Variants in PRELID2 observed in about 807,000 individuals in gnomAD.
The protein encoded by PRELID2 is PRELI domain containing 2.
A neutral mutation model predicts 28.4 loss-of-function variants in PRELID2; 25 were observed. The observed-to-expected ratio is 0.88, with a 90% CI of 0.64 to 1.23. The LOEUF is 1.23. Among genes scored for constraint, PRELID2 ranks in the 50% most tolerant of loss-of-function variants. The pLI, the probability that PRELID2 is intolerant of heterozygous loss-of-function variation, is 0.00. For synonymous variants in PRELID2, 76 were observed against 71.6 expected (o/e 1.06, Z -0.31); for missense variants, 201 against 214.4 (o/e 0.94, Z 0.39).
intron 1 of PRELID2, among the ~76,000 whole-genome samples, chr5:145,649,770 A>G (rs1038234517): frequency 6.6e-6 from 1 of 152,152 alleles, no homozygotes; most frequent in Non-Finnish European, 1.5e-5. Context: ...CCAATTTTCC[A>G]TCAAACTTCT....
intron 1 of PRELID2, among the ~76,000 whole-genome samples, chr5:145,510,826 C>T (rs946993397): frequency 1.3e-5 from 2 of 152,204 alleles, no homozygotes; most frequent in Non-Finnish European, 2.9e-5. Flanking sequence ...GAGGTTGTAG[C>T]TGCCTTTTGC....
chr5:145,805,234 C>A (rs1354224954), intron 4 of PRELID2, among the ~76,000 whole-genome samples: 1 of 152,124 alleles, frequency 6.6e-6, no homozygotes, highest in Non-Finnish European at 1.5e-5. Context: ...ATTCTTCTTG[C>A]ATAAATTCAG....
At chr5:145,829,101 CT>C (rs1755416010) in intron 1 of PRELID2, among the ~76,000 whole-genome samples, 2 of 151,708 alleles carry the variant, frequency 1.3e-5, no homozygotes, top group South Asian at 4.2e-4. Context: ...GGTTTTTGCC[CT>C]GTTGCCCAGG....
At chr5:145,530,729 C>T (rs1304679163) in intron 1 of PRELID2, among the ~76,000 whole-genome samples, 2 of 152,028 alleles carry the variant, frequency 1.3e-5, no homozygotes, top group African/African-American at 4.8e-5. Context: ...AACAACAACA[C>T]AATCACTAAC....
intron 1 of PRELID2, among the ~76,000 whole-genome samples, chr5:145,711,366 C>G (rs1413812773): frequency 1.3e-5 from 2 of 152,088 alleles, no homozygotes; most frequent in African/African-American, 2.4e-5. Flanking sequence ...TGAGCTCCTG[C>G]TAGGAGAGAA....
the PRELID2 span, among the ~76,000 whole-genome samples, chr5:145,364,831 C>A: frequency 6.6e-6 from 1 of 151,954 alleles, no homozygotes; most frequent in East Asian, 1.9e-4. Flanking sequence ...CATATCCTGA[C>A]AACTCGCTGC....
At chr5:145,490,873 AC>A (rs1752263092) in intron 1 of PRELID2, among the ~76,000 whole-genome samples, 1 of 152,140 alleles carries the variant, frequency 6.6e-6, no homozygotes, top group Non-Finnish European at 1.5e-5. Flanking sequence ...CCTTTGGTAT[AC>A]GGGACAGTTT....
chr5:145,506,865 C>T (rs1207488958), intron 1 of PRELID2, among the ~76,000 whole-genome samples: 2 of 152,184 alleles, frequency 1.3e-5, no homozygotes, highest in Admixed American at 1.3e-4. Flanking sequence ...CTCAGAGAGG[C>T]CCTCTATGAC....
At chr5:145,614,421 T>C (rs777079961) in intron 1 of PRELID2, among the ~76,000 whole-genome samples, 9 of 152,238 alleles carry the variant, frequency 5.9e-5, no homozygotes, top group Non-Finnish European at 1.0e-4. Context: ...GTATGGTCAT[T>C]GTCACAGTAT....
chr5:145,594,503 A>C (rs1580990473), intron 1 of PRELID2, among the ~76,000 whole-genome samples: 1 of 152,196 alleles, frequency 6.6e-6, no homozygotes, highest in East Asian at 1.9e-4. Context: ...CACTTCAAAA[A>C]ACGTATTAAA....
the PRELID2 span, among the ~76,000 whole-genome samples, chr5:145,368,187 C>G: frequency 6.6e-6 from 1 of 151,900 alleles, no homozygotes; most frequent in African/African-American, 2.4e-5. Context: ...AATCTGTTTT[C>G]AACAACTAGT....
the PRELID2 span, among the ~76,000 whole-genome samples, chr5:145,280,093 T>G: frequency 4.6e-5 from 7 of 152,154 alleles, no homozygotes. Flanking sequence ...ACCAAACCAG[T>G]GACTTCTTAG....
the PRELID2 span, among the ~76,000 whole-genome samples, chr5:145,413,951 G>A: frequency 1.7e-3 from 256 of 152,048 alleles, 4 homozygotes; most frequent in East Asian, 0.039. Context: ...TGAACACTTG[G>A]TTCCACATCT....
chr5:145,283,358 C>T, the PRELID2 span, among the ~76,000 whole-genome samples: 2 of 152,264 alleles, frequency 1.3e-5, no homozygotes, highest in East Asian at 3.9e-4. Flanking sequence ...AGTAATGATT[C>T]ATTTTAGAAA....
rs917722116 is a variant in PRELID2 at position 145,758,239 on chromosome 5, G to A, written c.*2297C>T. ...ACTAAAAAAGACCAACGACACAACC[G>A]CACTGTGCTGGAACCGGGCACACAA... On this transcript the variant is annotated 3_prime_UTR_variant, in exon 7 of 7. Coordinates refer to ENST00000683046, the MANE Select transcript of PRELID2 (RefSeq NM_205846.3). 9.9e-5 allele frequency among the ~76,000 whole-genome samples: 15 copies of A among 151,748 alleles called. No homozygotes were observed. The highest frequency in any genetic ancestry group is 3.1e-4 in the African/African-American group (13 of 41,270).
intron 2 of PRELID2, among the ~76,000 whole-genome samples, chr5:145,472,958 T>G (rs575591861): frequency 5.9e-4 from 90 of 152,262 alleles, no homozygotes; most frequent in African/African-American, 2.1e-3. Flanking sequence ...TTAAGGAACC[T>G]AGGATAACAC....
At chr5:145,517,172 A>G (rs1752524313) in intron 1 of PRELID2, among the ~76,000 whole-genome samples, 1 of 152,204 alleles carries the variant, frequency 6.6e-6, no homozygotes, top group Non-Finnish European at 1.5e-5. Flanking sequence ...CTGCACAGCA[A>G]AAGAAATTAT....
At chr5:145,372,171 C>T in the PRELID2 span, among the ~76,000 whole-genome samples, 4 of 152,070 alleles carry the variant, frequency 2.6e-5, no homozygotes, top group African/African-American at 9.7e-5. Flanking sequence ...TATCAAAGAA[C>T]TTACTGATTT....
In PRELID2 at chr5:145,803,373, A is replaced by T. The variant is rs142110358; in HGVS notation, c.369-6826T>A. 6.0e-5 allele frequency among the ~76,000 whole-genome samples: 9 copies of T among 149,774 alleles called. No homozygotes were observed. The East Asian group carries it at 1.8e-3, about 30-fold the overall frequency. The stretch of plus-strand genomic sequence containing the variant: ...TACATGCTATGTAGTTTCAGCCTTA[A>T]CATGAACATGTGTATTTATACGTGT... On this transcript the variant is annotated intron_variant, in intron 4 of 6. Coordinates refer to ENST00000683046, the MANE Select transcript of PRELID2 (RefSeq NM_205846.3).
Sources: allele counts gnomAD v4.1 joint callset (sites outside exome capture counted in the v4.1 genomes callset), GRCh38; gene constraint gnomAD v4.1.1; transcripts MANE v1.5; gene names NCBI Gene and HGNC (gene_info 2026-07-23, HGNC 2026-07-21).